The following MPHOSPH9 variants were observed in gnomAD, a reference collection of about 807,000 sequenced individuals.
MPHOSPH9 encodes M-phase phosphoprotein 9.
MPHOSPH9 carries 88 observed loss-of-function variants against 145.5 expected under a neutral mutation model. The ratio of observed to expected loss-of-function variants is 0.60; its 90% CI spans 0.51 to 0.72. The LOEUF is 0.72. Ranked by LOEUF, MPHOSPH9 falls within the 30% of genes least tolerant of loss-of-function variation. MPHOSPH9 has a pLI of 0.00. For synonymous variants in MPHOSPH9, 435 were observed against 486.2 expected (o/e 0.89, Z 1.39); for missense variants, 1,238 against 1,386.6 (o/e 0.89, Z 1.70).
intron 16 of MPHOSPH9, among the ~76,000 whole-genome samples, chr12:123,168,340 T>A (rs1301099220): frequency 6.8e-6 from 1 of 146,514 alleles, no homozygotes; most frequent in African/African-American, 2.6e-5. Flanking sequence ...AACATGACTT[T>A]CTTTTTTTTT....
chr12:123,199,323 T>C (rs1371659569), intron 11 of MPHOSPH9, among the ~76,000 whole-genome samples: 7 of 152,200 alleles, frequency 4.6e-5, no homozygotes, highest in East Asian at 1.9e-4. Context: ...AAGTTAATTA[T>C]CACAGATCCT....
At chr12:123,158,810 T>C (rs111627086) in intron 23 of MPHOSPH9, among the ~76,000 whole-genome samples, 5,378 of 152,268 alleles carry the variant, frequency 0.035, 294 homozygotes, top group African/African-American at 0.12. Context: ...TTTGTATTTT[T>C]AGTAGAGACA....
Position 123,165,344 on chromosome 12 carries a change from T to C in MPHOSPH9, c.2725A>G (p.Lys909Glu), listed in dbSNP as rs148807341. 3 of 1,613,972 alleles carry C rather than the reference T, an allele frequency of 1.9e-6. No individual in the cohort carries two copies. The highest frequency in any genetic ancestry group is 2.5e-6 in the Non-Finnish European group (3 of 1,179,998). ...LKELDEGKIF[K>E]NWGTQTEKED... Reference sequence around the variant, plus strand: ...TTCTCTGTCTGTGTCCCCCAATTTTTAAATATTTTTCCCTCATCAAGTTCT... The same window carrying C: ...TTCTCTGTCTGTGTCCCCCAATTTTCAAATATTTTTCCCTCATCAAGTTCT... The change falls in exon 18 of 24, where the codon AAA becomes GAA. Residue 909 changes from lysine to glutamate, a missense_variant. Physicochemically the swap from Lys to Glu is moderately conservative, Grantham distance 56 (BLOSUM62 1). This residue lies in a region of MPHOSPH9 where 393 missense variants were observed against 462.5 expected (regional missense o/e 0.85). Coordinates refer to ENST00000606320, the MANE Select transcript of MPHOSPH9 (RefSeq NM_022782.4).
chr12:123,239,130 A>G (rs1165648088), intron 1 of MPHOSPH9, among the ~76,000 whole-genome samples: 11 of 152,130 alleles, frequency 7.2e-5, no homozygotes, highest in Admixed American at 7.2e-4. Flanking sequence ...TTAGCCAGGC[A>G]TGCTGGTACA....
At position 123,210,171 on chromosome 12, in the gene MPHOSPH9, C is replaced by T. The variant is rs1032485533; in HGVS notation, c.1088-9G>A. 2 of 1,512,094 alleles carry T rather than the reference C, an allele frequency of 1.3e-6. No homozygotes were observed. Among genetic ancestry groups the T allele is most frequent in the African/African-American group, 1.4e-5 (1 of 71,614 alleles). 93.7% of individuals were successfully genotyped at this position (1,512,094 alleles called of 1,614,324 possible). A position where few individuals can be genotyped will look rare whatever the true frequency, so the allele number is the denominator to read the frequency against. On this transcript the variant is annotated splice_polypyrimidine_tract_variant and intron_variant, in intron 7 of 23. Coordinates refer to ENST00000606320, the MANE Select transcript of MPHOSPH9 (RefSeq NM_022782.4). The stretch of plus-strand genomic sequence containing the variant: ...TTTCCAGTAAGTCAATCCTGATGTG[C>T]ACAAACACACAGAATAGAAAAGAGT...
At chr12:123,197,697 G>A (rs190355733) in intron 12 of MPHOSPH9, among the ~76,000 whole-genome samples, 98 of 151,310 alleles carry the variant, frequency 6.5e-4, no homozygotes, top group African/African-American at 1.9e-3. Context: ...CAGGAGAATC[G>A]CCTGAACCTG....
At chr12:123,206,419 G>A (rs2046434307) in intron 8 of MPHOSPH9, among the ~76,000 whole-genome samples, 1 of 151,448 alleles carries the variant, frequency 6.6e-6, no homozygotes, top group African/African-American at 2.4e-5. Flanking sequence ...CTATGATGAA[G>A]CTGCTATACT....
intron 6 of MPHOSPH9, among the ~76,000 whole-genome samples, chr12:123,217,076 A>C (rs1412122788): frequency 6.6e-6 from 1 of 152,132 alleles, no homozygotes; most frequent in African/African-American, 2.4e-5. Flanking sequence ...TAATTTTTTA[A>C]AAAACCTTAC....
intron 3 of MPHOSPH9, 51 bp downstream of exon 3, chr12:123,227,412 T>C (rs1593249020): frequency 7.8e-7 from 1 of 1,282,982 alleles, no homozygotes; most frequent in African/African-American, 1.5e-5. Context: ...AGTAGAGGTA[T>C]GTTTTAACAT....
rs2138687531 is a variant in MPHOSPH9 at position 123,230,292 on chromosome 12, G to A, written c.73C>T (p.His25Tyr). ...SSVGSDENSL[H>Y]SLGLNLNTDR... Reference sequence around the variant, plus strand: ...GTATTTAAGTTCAGTCCAAGAGAATGAAGAGAATTTTCATCAGATCCTACA... The same window carrying A: ...GTATTTAAGTTCAGTCCAAGAGAATAAAGAGAATTTTCATCAGATCCTACA... Residue 25 changes from histidine (H) to tyrosine (Y), a missense_variant, in exon 2 of 24, where the codon CAT becomes TAT. By Grantham distance (83) the His-to-Tyr change is moderately conservative. Coordinates refer to ENST00000606320, the MANE Select transcript of MPHOSPH9 (RefSeq NM_022782.4). The A allele has an allele frequency of 6.5e-7, 1 of 1,532,538 alleles. No individual in the cohort carries two copies. The highest frequency in any genetic ancestry group is 8.7e-7 in the Non-Finnish European group (1 of 1,144,142). The allele number at this position is 1,532,538 out of a possible 1,614,324, so 94.9% of individuals were successfully genotyped here. A position where few individuals can be genotyped will look rare whatever the true frequency, so the allele number is the denominator to read the frequency against.
At chr12:123,226,289 C>G in intron 3 of MPHOSPH9, 7 of 1,097,090 alleles carry the variant, frequency 6.4e-6, no homozygotes, top group Non-Finnish European at 8.0e-6. Flanking sequence ...AATAATTACA[C>G]TTAGCAGTTG....
chr12:123,204,302 CA>C (rs5801508), intron 8 of MPHOSPH9, among the ~76,000 whole-genome samples: 85,145 of 124,816 alleles, frequency 0.68, 29,797 homozygotes, highest in East Asian at 0.98. Context: ...AACTCCGTCT[CA>C]AAAAAAAAAA....
intron 13 of MPHOSPH9, among the ~76,000 whole-genome samples, chr12:123,185,564 T>A (rs2045405983): frequency 6.6e-6 from 1 of 152,040 alleles, no homozygotes; most frequent in South Asian, 2.1e-4. Flanking sequence ...AGCAACATAG[T>A]GAGACCGCAT....
intron 6 of MPHOSPH9, among the ~76,000 whole-genome samples, chr12:123,216,926 T>C (rs949316277): frequency 1.3e-5 from 2 of 149,484 alleles, no homozygotes; most frequent in African/African-American, 5.0e-5. Flanking sequence ...GAGACAGAGA[T>C]TGCAGTGAGC....
At chr12:123,234,403 G>T (rs555195748), upstream of MPHOSPH9, among the ~76,000 whole-genome samples, 1 of 151,766 alleles carries the variant, frequency 6.6e-6, no homozygotes, top group East Asian at 1.9e-4. Flanking sequence ...TTGTGGGGGA[G>T]GGGGGTAGGG....
intron 18 of MPHOSPH9, 119 bp downstream of exon 18, chr12:123,165,183 G>C: frequency 1.1e-6 from 1 of 916,746 alleles, no homozygotes; most frequent in South Asian, 1.9e-5. Flanking sequence ...CAGTAAAATA[G>C]CAAGTTTACA....
intron 16 of MPHOSPH9, among the ~76,000 whole-genome samples, chr12:123,168,991 T>C (rs1362352358): frequency 6.6e-6 from 1 of 151,680 alleles, no homozygotes; most frequent in Non-Finnish European, 1.5e-5. Flanking sequence ...TTCACACCAT[T>C]CTACTGCTTC....
chr12:123,189,861 G>A (rs538219970), intron 13 of MPHOSPH9, among the ~76,000 whole-genome samples: 166 of 151,920 alleles, frequency 1.1e-3, no homozygotes, highest in African/African-American at 3.7e-3. Flanking sequence ...GCACAAACCC[G>A]GGAGGCGGAG....
rs747484586 is a variant in MPHOSPH9 at position 123,210,365 on chromosome 12, T to C, written c.1088-203A>G. ...TGGATGCAAATGTTTAAAACTGAAA[T>C]ATAAAAAGTCAAGATGAGTTGGTAC... On this transcript the variant is annotated intron_variant, in intron 7 of 23. Transcript: ENST00000606320. 2.6e-5 allele frequency among the ~76,000 whole-genome samples: 4 copies of C among 152,154 alleles called. No homozygotes were observed. The South Asian group carries it at 6.2e-4, about 24-fold the overall frequency.
Sources: gnomAD v4.1 joint callset for allele counts (sites outside exome capture counted in the v4.1 genomes callset) on GRCh38, gnomAD v4.1.1 for gene constraint, gnomAD v4.1.1 regional missense constraint, MANE v1.5 for transcripts, NCBI Gene and HGNC (gene_info 2026-07-23, HGNC 2026-07-21) for gene names.